The following TMEM132C variants were observed in gnomAD, a reference collection of about 807,000 sequenced individuals.
TMEM132C encodes the protein transmembrane protein 132C.
Under a neutral mutation model 61.4 loss-of-function variants are expected in TMEM132C, and 29 were observed. The observed-to-expected ratio is 0.47, with a 90% CI of 0.35 to 0.64. The LOEUF (loss-of-function observed/expected upper bound fraction) is 0.64. Ranked by LOEUF, TMEM132C falls within the 30% of genes least tolerant of loss-of-function variation. The probability of loss-of-function intolerance (pLI) is 0.00; values close to 1 mark genes in which losing one functional copy is unlikely to be tolerated. For missense variants in TMEM132C, 1,408 were observed against 1,476.9 expected, an observed-to-expected ratio of 0.95 and a Z score of 0.76; for synonymous variants, 656 against 633.1, an observed-to-expected ratio of 1.04 and a Z score of -0.54.
rs113611391 is a variant in TMEM132C at position 128,572,408 on chromosome 12, T to C, written c.1121+28305T>C. On this transcript the variant is annotated intron_variant, in intron 3 of 8. Coordinates refer to ENST00000435159, the MANE Select transcript of TMEM132C (RefSeq NM_001136103.3). ...AGTCAGACCTGGGTCACATACCAAC[T>C]GTGGCTGGTGCTGGCCTCTGATTGG... 2.2e-3 allele frequency among the ~76,000 whole-genome samples: 340 copies of C among 151,804 alleles called. 1 individual carries two copies. The highest frequency in any genetic ancestry group is 7.7e-3 in the African/African-American group (318 of 41,360).
At chr12:128,478,913 G>A (rs921555122) in intron 2 of TMEM132C, among the ~76,000 whole-genome samples, 1 of 152,180 alleles carries the variant, frequency 6.6e-6, no homozygotes, top group Admixed American at 6.5e-5. Flanking sequence ...GTGCATTTGC[G>A]ACTTTTCATA....
intron 4 of TMEM132C, among the ~76,000 whole-genome samples, chr12:128,625,506 G>A (rs1004163501): frequency 3.9e-5 from 6 of 152,220 alleles, no homozygotes; most frequent in Non-Finnish European, 8.8e-5. Flanking sequence ...GGCTGGGGAG[G>A]CCTCACAATC....
chr12:128,641,408 G>A (rs923143983), intron 4 of TMEM132C, among the ~76,000 whole-genome samples: 11 of 152,146 alleles, frequency 7.2e-5, no homozygotes, highest in South Asian at 2.1e-4. Context: ...GGTCTTTGCC[G>A]AAGTGATTAA....
intron 3 of TMEM132C, among the ~76,000 whole-genome samples, chr12:128,557,800 T>A (rs1874379101): frequency 6.6e-6 from 1 of 152,258 alleles, no homozygotes; most frequent in African/African-American, 2.4e-5. Context: ...CAAACTGCAG[T>A]AGAAATGAGC....
At chr12:128,651,330 G>C (rs1423853429) in intron 4 of TMEM132C, among the ~76,000 whole-genome samples, 1 of 152,192 alleles carries the variant, frequency 6.6e-6, no homozygotes, top group African/African-American at 2.4e-5. Context: ...CATCTCCAAG[G>C]CTGGCTCTTC....
chr12:128,327,246 C>A (rs886096456), intron 1 of TMEM132C, among the ~76,000 whole-genome samples: 2 of 150,062 alleles, frequency 1.3e-5, no homozygotes, highest in African/African-American at 2.5e-5. Flanking sequence ...CAAAAAGAGA[C>A]CCTGTAAAAT....
intron 2 of TMEM132C, among the ~76,000 whole-genome samples, chr12:128,452,619 G>C (rs190960864): frequency 1.3e-4 from 19 of 151,598 alleles, no homozygotes; most frequent in Admixed American, 5.9e-4. Context: ...TAGGAGAATC[G>C]CTTGAACCCG....
rs138698085 is a variant in TMEM132C, at chr12:128,278,594, G to A, written c.85+11107G>A. ...GTTGCCTGTTAGTTCTGGGTGGGAA[G>A]GGGTCCCCTCTACCATTCACAGAGG... On this transcript the variant is annotated intron_variant, in intron 1 of 8. Transcript: ENST00000435159. This position sits in a 1 kb window ranked among gnomAD's most constrained non-coding sequence, Gnocchi z 4.2. Among the ~76,000 whole-genome samples, 686 of 152,228 alleles carry A rather than the reference G, an allele frequency of 4.5e-3. 7 individuals carry two copies. Among genetic ancestry groups the A allele is most frequent in the African/African-American group, 0.016 (650 of 41,550 alleles).
chr12:128,450,493 A>G (rs1030419530), intron 2 of TMEM132C, among the ~76,000 whole-genome samples: 6 of 152,238 alleles, frequency 3.9e-5, no homozygotes, highest in African/African-American at 1.4e-4. Context: ...AAAGACCAAT[A>G]AAATGCCCTA....
chr12:128,495,354 G>A lies in TMEM132C; in HGVS notation c.975-48603G>A, dbSNP rs185004596. 1.7e-3 allele frequency among the ~76,000 whole-genome samples: 257 copies of A among 152,132 alleles called. 1 individual carries two copies. The Middle Eastern group carries it at 0.024, about 14-fold the overall frequency. On this transcript the variant is annotated intron_variant, in intron 2 of 8. Coordinates refer to ENST00000435159, the MANE Select transcript of TMEM132C (RefSeq NM_001136103.3). Reference sequence around the variant, plus strand: ...AGTTCTGTAGGTGTCTATTAGGTCCGCTTGGTGCAGAGCTGAGTTCAATTC... The same window carrying A: ...AGTTCTGTAGGTGTCTATTAGGTCCACTTGGTGCAGAGCTGAGTTCAATTC...
chr12:128,362,501 G>A (rs1433243192), intron 1 of TMEM132C, among the ~76,000 whole-genome samples: 1 of 152,108 alleles, frequency 6.6e-6, no homozygotes, highest in Non-Finnish European at 1.5e-5. Flanking sequence ...TCTCTGCTTT[G>A]GGGGACTAGA....
chr12:128,466,084 A>G (rs951382628), intron 2 of TMEM132C, among the ~76,000 whole-genome samples: 1 of 152,222 alleles, frequency 6.6e-6, no homozygotes, highest in Non-Finnish European at 1.5e-5. Flanking sequence ...GTTTTAAATA[A>G]AGACAGAACA....
chr12:128,429,553 A>G (rs1593050354), intron 2 of TMEM132C, among the ~76,000 whole-genome samples: 2 of 152,258 alleles, frequency 1.3e-5, no homozygotes, highest in Admixed American at 6.5e-5. Flanking sequence ...TCTCTTTGAA[A>G]TGCTCCTCCC....
intron 2 of TMEM132C, among the ~76,000 whole-genome samples, chr12:128,475,274 T>C (rs1037031006): frequency 2.0e-5 from 3 of 152,210 alleles, no homozygotes; most frequent in Non-Finnish European, 4.4e-5. Context: ...TGACTCAGGC[T>C]TACACATAAA....
At chr12:128,587,619 A>C (rs1875599387) in intron 3 of TMEM132C, among the ~76,000 whole-genome samples, 1 of 152,240 alleles carries the variant, frequency 6.6e-6, no homozygotes, top group African/African-American at 2.4e-5. Flanking sequence ...ACAAAGTGAG[A>C]ATGTGATTGC....
intron 1 of TMEM132C, among the ~76,000 whole-genome samples, chr12:128,380,635 C>T (rs965219242): frequency 2.6e-5 from 4 of 152,082 alleles, no homozygotes; most frequent in Non-Finnish European, 5.9e-5. Flanking sequence ...ATAAGCCAGG[C>T]ATGGTGGCTC....
chr12:128,596,723 G>A (rs921057710), intron 3 of TMEM132C, among the ~76,000 whole-genome samples: 1 of 152,186 alleles, frequency 6.6e-6, no homozygotes, highest in African/African-American at 2.4e-5. Context: ...TGCCCCTTTC[G>A]CAGGTCCTGG....
intron 1 of TMEM132C, among the ~76,000 whole-genome samples, chr12:128,377,958 A>T (rs1874252267): frequency 6.6e-6 from 1 of 152,040 alleles, no homozygotes; most frequent in Admixed American, 6.6e-5. Flanking sequence ...TCCATGGACA[A>T]GTTATTTGTG....
intron 1 of TMEM132C, among the ~76,000 whole-genome samples, chr12:128,339,551 G>T (rs149462156): frequency 1.4e-4 from 21 of 152,060 alleles, no homozygotes; most frequent in South Asian, 2.1e-4. Context: ...TTGGGTGGTT[G>T]TCTCTGGCTC....
Sources: gnomAD v4.1 joint callset for allele counts (sites outside exome capture counted in the v4.1 genomes callset) on GRCh38, gnomAD v4.1.1 for gene constraint, Gnocchi (gnomAD v3.1) non-coding constraint, MANE v1.5 for transcripts, NCBI Gene and HGNC (gene_info 2026-07-23, HGNC 2026-07-21) for gene names.